Variants in ERMN observed in about 807,000 individuals in gnomAD.
The protein encoded by ERMN is ermin, ERM-like protein.
In ERMN, 17 loss-of-function variants were observed where a neutral mutation model predicts 21.4. That is an observed-to-expected ratio of 0.80 (90% confidence interval 0.54 to 1.19). The LOEUF is 1.19. Among genes scored for constraint, ERMN ranks in the 50% most tolerant of loss-of-function variants. The pLI, the probability that ERMN is intolerant of heterozygous loss-of-function variation, is 0.00. For missense variants in ERMN, 348 were observed against 331.6 expected (o/e 1.05, Z -0.38); for synonymous variants, 115 against 111.9 (o/e 1.03, Z -0.17).
At chr2:157,326,203 G>T (rs1160901418), upstream of ERMN, among the ~76,000 whole-genome samples, 2 of 152,144 alleles carry the variant, frequency 1.3e-5, no homozygotes, top group African/African-American at 4.8e-5. Context: ...CAGCTATTTT[G>T]TAAAGGACAA....
At chr2:157,326,992 C>T (rs1684081991), upstream of ERMN, among the ~76,000 whole-genome samples, 1 of 151,848 alleles carries the variant, frequency 6.6e-6, no homozygotes, top group South Asian at 2.1e-4. Flanking sequence ...ACATGTGTCC[C>T]CAGCACTTAG....
chr2:157,320,619 C>T lies in ERMN; in HGVS notation c.*652G>A, dbSNP rs1376450996. The T allele has an allele frequency of 6.6e-6, 1 of 152,220 alleles. No individual in the cohort carries two copies. The highest frequency in any genetic ancestry group is 2.4e-5 in the African/African-American group (1 of 41,456). 9.4% of individuals were successfully genotyped at this position (152,220 alleles called of 1,614,324 possible). A position where few individuals can be genotyped will look rare whatever the true frequency, so the allele number is the denominator to read the frequency against. On this transcript the variant is annotated 3_prime_UTR_variant, in exon 3 of 3. Coordinates refer to ENST00000410096, the MANE Select transcript of ERMN (RefSeq NM_020711.3). ...TTAATTCAGTTTGAAAGCATAAAGG[C>T]AACATTTAGCAAACAGAATTATCCT...
Position 157,321,761 on chromosome 2 carries a change from C to A in ERMN, c.365G>T (p.Gly122Val). 1.2e-6 allele frequency: 2 copies of A among 1,611,590 alleles called. No homozygotes were observed. Among genetic ancestry groups the A allele is most frequent in the East Asian group, 2.2e-5 (1 of 44,828 alleles). ...CTGTCTTCTTATTTCCTGGTTACTG[C>A]CACTCAGAGGAATCTTCTCCCACTG... ...GHQWEKIPLS[G>V]SNQEIRRQKE... is the part of the protein sequence containing the mutation. Residue 122 changes from glycine to valine, a missense_variant, in exon 3 of 3, where the codon GGC becomes GTC. Physicochemically the swap from Gly to Val is moderately radical, Grantham distance 109. Transcript: ENST00000410096.
intron 1 of ERMN, among the ~76,000 whole-genome samples, chr2:157,324,976 A>G (rs1054001679): frequency 6.6e-6 from 1 of 151,576 alleles, no homozygotes; most frequent in Non-Finnish European, 1.5e-5. Context: ...TAATATTTAT[A>G]TAAGATATAT....
In ERMN at chr2:157,320,016, T is replaced by G. The variant is rs555395593; in HGVS notation, c.*1255A>C. ...AGACAATAAGGAATTGTCTTTTTAT[T>G]TGCAGGGCAAAACAAAATCTTTATC... On this transcript the variant is annotated 3_prime_UTR_variant, in exon 3 of 3. Coordinates refer to ENST00000410096, the MANE Select transcript of ERMN (RefSeq NM_020711.3). The G allele has an allele frequency of 6.6e-6, 1 of 152,318 alleles. No individual in the cohort carries two copies. The highest frequency in any genetic ancestry group is 2.1e-4 in the South Asian group (1 of 4,832). The allele number at this position is 152,318 out of a possible 1,614,324, so 9.4% of individuals were successfully genotyped here.
upstream of ERMN, among the ~76,000 whole-genome samples, chr2:157,326,420 T>C (rs184505600): frequency 4.7e-4 from 71 of 152,296 alleles, no homozygotes; most frequent in African/African-American, 1.7e-3. Flanking sequence ...AGTCTATAGC[T>C]TCTTATCCTC....
At chr2:157,325,860 G>A, upstream of ERMN, 1 of 1,407,932 alleles carries the variant, frequency 7.1e-7, no homozygotes, top group East Asian at 2.5e-5. Context: ...GATCTGCCAG[G>A]AGCCATGAGC....
rs993430118 is a variant in ERMN, at chr2:157,325,735, A to T, written c.-93T>A. On this transcript the variant is annotated 5_prime_UTR_variant, in exon 1 of 3. Coordinates refer to ENST00000410096, the MANE Select transcript of ERMN (RefSeq NM_020711.3). ...ATACCTGCTCTTGCCTTCAAGTCCT[A>T]TAGTTCCAACTCCTACTCTAAGAGC... 1.9e-6 allele frequency: 3 copies of T among 1,592,224 alleles called. No individual in the cohort carries two copies. Among genetic ancestry groups the T allele is most frequent in the Non-Finnish European group, 2.6e-6 (3 of 1,167,876 alleles).
intron 1 of ERMN, 37 bp downstream of exon 1, chr2:157,325,365 C>A: frequency 1.9e-6 from 3 of 1,610,298 alleles, no homozygotes; most frequent in South Asian, 2.2e-5. Flanking sequence ...ATTTATAAGT[C>A]AAAACAAGAA....
rs1350824388 is a variant in ERMN, at chr2:157,319,288, T to C, written c.*1983A>G. On this transcript the variant is annotated 3_prime_UTR_variant, in exon 3 of 3. Coordinates refer to ENST00000410096, the MANE Select transcript of ERMN (RefSeq NM_020711.3). The stretch of plus-strand genomic sequence containing the variant: ...TAAATCTTTCATAGTTCATTCATTG[T>C]CTGGTGAGAGCACAGAGCTAAGAGG... 3 of 152,196 alleles carry C rather than the reference T, an allele frequency of 2.0e-5. No individual in the cohort carries two copies. Among genetic ancestry groups the C allele is most frequent in the Non-Finnish European group, 4.4e-5 (3 of 68,032 alleles). The allele number at this position is 152,196 out of a possible 1,614,324, so 9.4% of individuals were successfully genotyped here. A position where few individuals can be genotyped will look rare whatever the true frequency, so the allele number is the denominator to read the frequency against.
rs762746151 is a variant in ERMN, at chr2:157,325,611, G to T, written c.32C>A (p.Ala11Asp). Residue 11 changes from alanine to aspartate, a missense_variant, in exon 1 of 3, where the codon GCT (alanine) becomes GAT (aspartate). Coordinates refer to ENST00000410096, the MANE Select transcript of ERMN (RefSeq NM_020711.3). MTDVPATFTQ[A>D]ECNGDKPPEN... ...AGGTGGTTTATCCCCATTACACTCA[G>T]CCTGGGTAAATGTAGCCGGAACATC... The T allele has an allele frequency of 7.4e-6, 12 of 1,614,042 alleles. No homozygotes were observed. In the East Asian group the frequency reaches 2.2e-4, roughly 30 times the overall value.
chr2:157,325,878 C>T (rs1684058324), upstream of ERMN: 1 of 1,398,692 alleles, frequency 7.1e-7, no homozygotes, highest in Non-Finnish European at 9.3e-7. Context: ...AGCAAGAATC[C>T]AGCCAATCAC....
rs1414452795 is a variant in ERMN at position 157,320,215 on chromosome 2, G to A, written c.*1056C>T. ...TACAATTTTAAGCATCTTGATTTGG[G>A]CTGAGGTCCAGTAAATTATATATTC... On this transcript the variant is annotated 3_prime_UTR_variant, in exon 3 of 3. Transcript: ENST00000410096. The A allele has an allele frequency of 2.0e-5, 3 of 152,524 alleles. No homozygotes were observed. Among genetic ancestry groups the A allele is most frequent in the Admixed American group, 6.6e-5 (1 of 15,262 alleles). 9.4% of individuals were successfully genotyped at this position (152,524 alleles called of 1,614,324 possible). A position where few individuals can be genotyped will look rare whatever the true frequency, so the allele number is the denominator to read the frequency against.
chr2:157,324,187 G>A (rs141042635), intron 2 of ERMN: 12 of 254,454 alleles, frequency 4.7e-5, no homozygotes, highest in Middle Eastern at 1.2e-3. Flanking sequence ...CAGGAGAATC[G>A]CTTGAACCCT....
Position 157,321,635 on chromosome 2 carries a change from T to G in ERMN, c.491A>C (p.Lys164Thr), listed in dbSNP as rs763916818. The G allele has an allele frequency of 6.2e-6, 10 of 1,614,020 alleles. No individual in the cohort carries two copies. The South Asian group carries it at 1.1e-4, about 18-fold the overall frequency. ...AAEIEWLGFR[K>T]PSQADMLHSK... is the part of the protein sequence containing the mutation. The stretch of plus-strand genomic sequence containing the variant: ...ATGTAACATGTCAGCTTGGCTAGGT[T>G]TTCGAAATCCCAGCCATTCAATTTC... The change falls in exon 3 of 3, where the codon AAA (lysine) becomes ACA (threonine). Residue 164 changes from lysine to threonine, a missense_variant. Lys to Thr is a moderately conservative substitution (Grantham distance 78, BLOSUM62 -1). Transcript: ENST00000410096.
rs947985244 is a variant in ERMN at position 157,320,523 on chromosome 2, A to C, written c.*748T>G. 1 of 152,536 alleles carries C rather than the reference A, an allele frequency of 6.6e-6. No individual in the cohort carries two copies. The highest frequency in any genetic ancestry group is 2.4e-5 in the African/African-American group (1 of 41,466). 9.4% of individuals were successfully genotyped at this position (152,536 alleles called of 1,614,324 possible). A position where few individuals can be genotyped will look rare whatever the true frequency, so the allele number is the denominator to read the frequency against. On this transcript the variant is annotated 3_prime_UTR_variant, in exon 3 of 3. Coordinates refer to ENST00000410096, the MANE Select transcript of ERMN (RefSeq NM_020711.3). Reference sequence around the variant, plus strand: ...TATTTTCAGCCACAGAAATAAAACTATCCAACATAACTCTTTAGTCTGCTG... The same window carrying C: ...TATTTTCAGCCACAGAAATAAAACTCTCCAACATAACTCTTTAGTCTGCTG...
At chr2:157,324,404 A>G in intron 2 of ERMN, 1 of 398,352 alleles carries the variant, frequency 2.5e-6, no homozygotes, top group Non-Finnish European at 4.5e-6. Context: ...GACTCAGTGG[A>G]CTAACTTAAG....
chr2:157,324,093 T>TACACACACACAC lies in ERMN; in HGVS notation c.334+565_334+576dup, dbSNP rs61547889. On this transcript the variant is annotated intron_variant, in intron 2 of 2. Coordinates refer to ENST00000410096, the MANE Select transcript of ERMN (RefSeq NM_020711.3). ...GGTGAAACTCCGTCTCTACTAAAAA[T>TACACACACACAC]ACACACACACACACACACACACACA... is the stretch of plus-strand genomic sequence containing the variant. 1,076 of 166,074 alleles carry TACACACACACAC rather than the reference T, an allele frequency of 6.5e-3. 12 individuals carry two copies. Among genetic ancestry groups the TACACACACACAC allele is most frequent in the African/African-American group, 0.025 (1,010 of 39,684 alleles). 10.3% of individuals were successfully genotyped at this position (166,074 alleles called of 1,614,324 possible).
At chr2:157,327,614 T>C (rs1305688679), upstream of ERMN, 2 of 663,820 alleles carry the variant, frequency 3.0e-6, no homozygotes, top group Admixed American at 4.4e-5. Flanking sequence ...GCAGCACAGA[T>C]GAAGCTAAGC....
Sources: allele counts gnomAD v4.1 joint callset (sites outside exome capture counted in the v4.1 genomes callset), GRCh38; gene constraint gnomAD v4.1.1; transcripts MANE v1.5; gene names NCBI Gene and HGNC (gene_info 2026-07-23, HGNC 2026-07-21).